Variants in PARD3 observed in about 807,000 individuals in gnomAD.
PARD3 encodes the protein partitioning defective 3 homolog.
A neutral mutation model predicts 155.4 loss-of-function variants in PARD3; 75 were observed. The ratio of observed to expected loss-of-function variants is 0.48; its 90% confidence interval spans 0.40 to 0.58. The LOEUF (loss-of-function observed/expected upper bound fraction) is 0.58. PARD3 is among the 20% of genes least tolerant of loss of function. PARD3 has a pLI of 0.00. For missense variants in PARD3, 1,642 were observed against 1,721.7 expected (o/e 0.95, Z 0.82); for synonymous variants, 576 against 610.5 (o/e 0.94, Z 0.83).
intron 2 of PARD3, among the ~76,000 whole-genome samples, chr10:34,528,707 T>C (rs1176280659): frequency 3.3e-5 from 5 of 152,172 alleles, no homozygotes; most frequent in Non-Finnish European, 7.4e-5. Context: ...AGTTAAGCCA[T>C]ATAGACTTTA....
Position 34,543,265 on chromosome 10 carries a change from T to A in PARD3, c.223-26106A>T, listed in dbSNP as rs2083785782. Among the ~76,000 whole-genome samples, 3 of 152,084 alleles carry A rather than the reference T, an allele frequency of 2.0e-5. No homozygotes were observed. In the South Asian group the frequency reaches 6.2e-4, roughly 32 times the overall value. On this transcript the variant is annotated intron_variant, in intron 2 of 24. Transcript: ENST00000374788. ...TAGCCTGGGCGTCAGAGCAAAACCC[T>A]GTCTCCAAAAAATAAAAATTAAAAA...
At chr10:34,765,801 T>TC in intron 1 of PARD3, among the ~76,000 whole-genome samples, 1 of 152,286 alleles carries the variant, frequency 6.6e-6, no homozygotes. Context: ...GTGGCTAACA[T>TC]CTCTGCAGGG....
chr10:34,429,261 GTATA>G (rs1011795626), intron 5 of PARD3, among the ~76,000 whole-genome samples: 2 of 151,792 alleles, frequency 1.3e-5, no homozygotes, highest in Non-Finnish European at 2.9e-5. Context: ...ATATTTCATT[GTATA>G]TATATATTAT....
intron 2 of PARD3, among the ~76,000 whole-genome samples, chr10:34,651,642 T>C (rs2093017360): frequency 6.6e-6 from 1 of 152,196 alleles, no homozygotes; most frequent in Admixed American, 6.5e-5. Flanking sequence ...GTTGTTTTTT[T>C]GTAAGCGACG....
At chr10:34,723,397 T>C (rs1279152892) in intron 1 of PARD3, among the ~76,000 whole-genome samples, 1 of 152,232 alleles carries the variant, frequency 6.6e-6, no homozygotes, top group Non-Finnish European at 1.5e-5. Context: ...CAATGATGGC[T>C]GAAACAGCCA....
intron 3 of PARD3, among the ~76,000 whole-genome samples, chr10:34,509,066 T>C (rs972601567): frequency 2.0e-5 from 3 of 152,172 alleles, no homozygotes; most frequent in Admixed American, 6.5e-5. Flanking sequence ...AAACACTCTA[T>C]ATTACAAAGG....
At chr10:34,426,037 C>A (rs928144850) in intron 5 of PARD3, among the ~76,000 whole-genome samples, 3 of 152,010 alleles carry the variant, frequency 2.0e-5, no homozygotes, top group African/African-American at 7.3e-5. Context: ...ACACCAAAGC[C>A]TAGAGTCAAT....
chr10:34,743,651 A>C (rs2095057488), intron 1 of PARD3, among the ~76,000 whole-genome samples: 1 of 152,208 alleles, frequency 6.6e-6, no homozygotes, highest in Non-Finnish European at 1.5e-5. Flanking sequence ...AGACATCCTA[A>C]CTAGCCTTGA....
intron 20 of PARD3, among the ~76,000 whole-genome samples, chr10:34,297,580 T>G (rs1272403708): frequency 6.6e-6 from 1 of 152,210 alleles, no homozygotes; most frequent in Non-Finnish European, 1.5e-5. Flanking sequence ...TACCTCAGTT[T>G]GGAAGCCCAC....
chr10:34,808,652 A>G (rs902345461), intron 1 of PARD3, among the ~76,000 whole-genome samples: 1 of 152,144 alleles, frequency 6.6e-6, no homozygotes, highest in Non-Finnish European at 1.5e-5. Flanking sequence ...TTGATAAAAA[A>G]TACCGAGGGC....
chr10:34,471,569 G>A (rs938606066), intron 3 of PARD3, among the ~76,000 whole-genome samples: 3 of 152,130 alleles, frequency 2.0e-5, no homozygotes, highest in Non-Finnish European at 2.9e-5. Context: ...CTGATTGACT[G>A]GTTGAGACAG....
chr10:34,686,534 G>A (rs562308846), intron 2 of PARD3, among the ~76,000 whole-genome samples: 9 of 151,678 alleles, frequency 5.9e-5, no homozygotes, highest in Non-Finnish European at 1.0e-4. Flanking sequence ...TCAGGAGTTC[G>A]AGATCAGCCT....
chr10:34,716,992 T>C (rs1449516463), intron 1 of PARD3, among the ~76,000 whole-genome samples: 1 of 152,090 alleles, frequency 6.6e-6, no homozygotes, highest in African/African-American at 2.4e-5. Context: ...TCAGATATTG[T>C]TAGTGTATTT....
At chr10:34,335,806 C>A (rs1202391071) in intron 18 of PARD3, among the ~76,000 whole-genome samples, 1 of 152,026 alleles carries the variant, frequency 6.6e-6, no homozygotes, top group African/African-American at 2.4e-5. Flanking sequence ...ATCAAAATCA[C>A]CACTCTGAGA....
At chr10:34,406,990 G>A (rs1844544671) in intron 5 of PARD3, among the ~76,000 whole-genome samples, 1 of 152,082 alleles carries the variant, frequency 6.6e-6, no homozygotes, top group Non-Finnish European at 1.5e-5. Flanking sequence ...CAGTATAAAA[G>A]GAACAACTCT....
intron 22 of PARD3, among the ~76,000 whole-genome samples, chr10:34,256,024 T>C (rs2133772786): frequency 6.6e-6 from 1 of 152,304 alleles, no homozygotes; most frequent in South Asian, 2.1e-4. Context: ...ATTTCAAAAT[T>C]GGAATTAAAA....
At position 34,258,239 on chromosome 10, in the gene PARD3, T is replaced by G. The variant is rs1954760699; in HGVS notation, c.3419+11418A>C. ...TTTGTTTCAGGTACAAAACTCCAGG[T>G]ACTGGGTGAAATACGGACTTGTGGA... On this transcript the variant is annotated intron_variant, in intron 22 of 24. Transcript: ENST00000374788. 2.6e-5 allele frequency among the ~76,000 whole-genome samples: 4 copies of G among 152,212 alleles called. No individual in the cohort carries two copies. The South Asian group carries it at 8.3e-4, about 32-fold the overall frequency.
At chr10:34,612,781 G>A (rs1158647027) in intron 2 of PARD3, among the ~76,000 whole-genome samples, 3 of 152,186 alleles carry the variant, frequency 2.0e-5, no homozygotes, top group Non-Finnish European at 2.9e-5. Flanking sequence ...CTGCAAGATG[G>A]ATATCATTAT....
intron 5 of PARD3, among the ~76,000 whole-genome samples, chr10:34,435,159 G>C (rs1392230741): frequency 6.6e-6 from 1 of 152,018 alleles, no homozygotes; most frequent in African/African-American, 2.4e-5. Context: ...GTGCATAGCT[G>C]TTTCTGGTTT....
Sources: gnomAD v4.1 joint callset for allele counts (sites outside exome capture counted in the v4.1 genomes callset) on GRCh38, gnomAD v4.1.1 for gene constraint, MANE v1.5 for transcripts, NCBI Gene and HGNC (gene_info 2026-07-23, HGNC 2026-07-21) for gene names.